IL1RAPL1: variants seen among roughly 807,000 people sequenced by gnomAD.
IL1RAPL1 encodes the protein interleukin-1 receptor accessory protein-like 1.
Under a neutral mutation model 48.4 loss-of-function variants are expected in IL1RAPL1, and 3 were observed. The observed-to-expected ratio is 0.06, with a 90% CI of 0.03 to 0.16. The LOEUF (loss-of-function observed/expected upper bound fraction) is 0.16, where lower values mean the gene tolerates loss of function less well. Ranked by LOEUF, IL1RAPL1 falls within the 10% of genes least tolerant of loss-of-function variation. IL1RAPL1 has a pLI of 1.00. For synonymous variants in IL1RAPL1, 185 were observed against 187.7 expected (o/e 0.99, Z 0.12); for missense variants, 349 against 530.6 (o/e 0.66, Z 3.36).
chrX:29,493,631 A>G (rs1450593166), intron 5 of IL1RAPL1, among the ~76,000 whole-genome samples: 1 of 111,929 alleles, frequency 8.9e-6, no homozygotes. Flanking sequence ...ATAAACAGAG[A>G]ATACTAATGT....
intron 2 of IL1RAPL1, among the ~76,000 whole-genome samples, chrX:29,043,689 G>A (rs1481527894): frequency 4.5e-5 from 5 of 111,640 alleles, no homozygotes; most frequent in Admixed American, 9.5e-5. Context: ...CATTGGCTTG[G>A]CTAATCTATG....
intron 5 of IL1RAPL1, among the ~76,000 whole-genome samples, chrX:29,441,999 A>C (rs1934552296): frequency 8.9e-6 from 1 of 112,040 alleles, no homozygotes; most frequent in South Asian, 3.7e-4. Flanking sequence ...TTATACTATT[A>C]ACTAATTTAC....
At chrX:29,794,273 G>A (rs188779969) in intron 6 of IL1RAPL1, among the ~76,000 whole-genome samples, 266 of 110,796 alleles carry the variant, frequency 2.4e-3, no homozygotes, top group African/African-American at 8.2e-3. Context: ...TCACAACTTC[G>A]TTAAAAAAAA....
chrX:28,928,973 A>T (rs1923816776), intron 2 of IL1RAPL1, among the ~76,000 whole-genome samples: 1 of 111,938 alleles, frequency 8.9e-6, no homozygotes, highest in Non-Finnish European at 1.9e-5. Context: ...AACTATTTGA[A>T]GTTATGGGAC....
At chrX:29,475,955 T>C (rs1934969077) in intron 5 of IL1RAPL1, among the ~76,000 whole-genome samples, 1 of 111,586 alleles carries the variant, frequency 9.0e-6, no homozygotes, top group African/African-American at 3.3e-5. Flanking sequence ...TTAGTTTCAT[T>C]AGAAAGAAAG....
intron 6 of IL1RAPL1, among the ~76,000 whole-genome samples, chrX:29,716,056 G>A (rs1425825457): frequency 9.0e-6 from 1 of 111,440 alleles, no homozygotes; most frequent in Non-Finnish European, 1.9e-5. Flanking sequence ...TCTCTGAGAT[G>A]GAGATTTGTG....
chrX:28,960,408 G>A (rs1453115008), intron 2 of IL1RAPL1, among the ~76,000 whole-genome samples: 2 of 111,552 alleles, frequency 1.8e-5, no homozygotes, highest in African/African-American at 6.5e-5. Context: ...TAATAGTTAC[G>A]GCTTGAGTCA....
intron 2 of IL1RAPL1, among the ~76,000 whole-genome samples, chrX:28,907,508 A>G (rs1472776275): frequency 9.0e-6 from 1 of 111,694 alleles, no homozygotes; most frequent in Non-Finnish European, 1.9e-5. Flanking sequence ...GTACACCTCA[A>G]CCTCCCAAAG....
chrX:28,689,148 C>T (rs1388317765), intron 1 of IL1RAPL1, among the ~76,000 whole-genome samples: 1 of 110,793 alleles, frequency 9.0e-6, no homozygotes, highest in Non-Finnish European at 1.9e-5. Context: ...AAGAATAAGT[C>T]CTAATATGAG....
At chrX:28,758,773 G>A (rs1398604898) in intron 1 of IL1RAPL1, among the ~76,000 whole-genome samples, 4 of 111,817 alleles carry the variant, frequency 3.6e-5, no homozygotes, top group African/African-American at 9.8e-5. Flanking sequence ...TTTACTATCA[G>A]TGAAAATTCC....
At chrX:29,050,202 C>T (rs1927062971) in intron 2 of IL1RAPL1, among the ~76,000 whole-genome samples, 1 of 111,956 alleles carries the variant, frequency 8.9e-6, no homozygotes, top group African/African-American at 3.2e-5. Flanking sequence ...ATACACCACA[C>T]CCGGCATGAC....
intron 3 of IL1RAPL1, among the ~76,000 whole-genome samples, chrX:29,333,606 A>G (rs1295028141): frequency 2.0e-4 from 17 of 85,290 alleles, no homozygotes; most frequent in African/African-American, 7.5e-4. Context: ...TCCCTCCCAG[A>G]CGGGGCGGCT....
rs148825928 is a variant in IL1RAPL1 at position 29,884,104 on chromosome X, C to G, written c.779-33360C>G. Among the ~76,000 whole-genome samples the G allele has an allele frequency of 9.3e-4, 104 of 111,661 alleles. 1 individual carries two copies. The Admixed American group carries it at 9.5e-3, about 10-fold the overall frequency. On this transcript the variant is annotated intron_variant, in intron 6 of 10. Coordinates refer to ENST00000378993, the MANE Select transcript of IL1RAPL1 (RefSeq NM_014271.4). ...CATTTCTCAAAAATGCTCAAGGATA[C>G]TAAAAATGATACCTGATCTCATGAT...
intron 6 of IL1RAPL1, among the ~76,000 whole-genome samples, chrX:29,802,784 T>TATAC (rs1386139093): frequency 9.0e-4 from 14 of 15,607 alleles, no homozygotes; most frequent in African/African-American, 4.0e-3. Context: ...TATATATATG[T>TATAC]GTGTGTGTAT....
At chrX:28,872,160 C>T (rs748024049) in intron 2 of IL1RAPL1, among the ~76,000 whole-genome samples, 2 of 101,954 alleles carry the variant, frequency 2.0e-5, no homozygotes, top group Non-Finnish European at 3.9e-5. Flanking sequence ...GGGGGGAAAC[C>T]ACCACCATGC....
chrX:29,442,668 C>T (rs1220468532), intron 5 of IL1RAPL1, among the ~76,000 whole-genome samples: 1 of 110,374 alleles, frequency 9.1e-6, no homozygotes, highest in Non-Finnish European at 1.9e-5. Context: ...CCAGCTTGTG[C>T]GATACAGGGA....
intron 2 of IL1RAPL1, among the ~76,000 whole-genome samples, chrX:29,152,006 T>C (rs574516187): frequency 6.3e-5 from 7 of 111,660 alleles, no homozygotes; most frequent in African/African-American, 2.3e-4. Flanking sequence ...ATACCCAAGA[T>C]TGGTTAATTT....
chrX:29,484,963 A>C (rs1307456533), intron 5 of IL1RAPL1, among the ~76,000 whole-genome samples: 2 of 111,956 alleles, frequency 1.8e-5, no homozygotes, highest in Non-Finnish European at 3.8e-5. Flanking sequence ...TACAAAATAA[A>C]TGCCTGTACA....
intron 6 of IL1RAPL1, among the ~76,000 whole-genome samples, chrX:29,914,940 C>G (rs1275735516): frequency 8.9e-6 from 1 of 112,104 alleles, no homozygotes; most frequent in East Asian, 2.8e-4. Flanking sequence ...CTCAGTTTGC[C>G]TCTTAAAAGT....
Sources: allele counts gnomAD v4.1 joint callset (sites outside exome capture counted in the v4.1 genomes callset), GRCh38; gene constraint gnomAD v4.1.1; transcripts MANE v1.5; gene names NCBI Gene and HGNC (gene_info 2026-07-23, HGNC 2026-07-21).